The following HYDIN variants were observed in gnomAD, a reference collection of about 807,000 sequenced individuals.
HYDIN encodes axonemal central pair apparatus protein HYDIN.
In HYDIN, 132 loss-of-function variants were observed where a neutral mutation model predicts 403.9. The ratio of observed to expected loss-of-function variants is 0.33; its 90% confidence interval spans 0.28 to 0.38. The LOEUF (loss-of-function observed/expected upper bound fraction) is 0.38. Ranked by LOEUF, HYDIN falls within the 10% of genes least tolerant of loss-of-function variation. The probability of loss-of-function intolerance (pLI) is 1.00; values close to 1 mark genes in which losing one functional copy is unlikely to be tolerated. For missense variants in HYDIN, 2,827 were observed against 5,009.5 expected, an observed-to-expected ratio of 0.56 and a Z score of 13.15; for synonymous variants, 1,202 against 1,891.7, an observed-to-expected ratio of 0.64 and a Z score of 9.46.
intron 79 of HYDIN, 108 bp downstream of exon 79, chr16:70,833,779 G>A: frequency 1.4e-6 from 1 of 706,532 alleles, no homozygotes; most frequent in Non-Finnish European, 2.4e-6. Context: ...GATGTAGAAG[G>A]GAGAGGACAG....
At chr16:71,169,514 G>A (rs1305268181) in intron 5 of HYDIN, among the ~76,000 whole-genome samples, 1 of 152,190 alleles carries the variant, frequency 6.6e-6, no homozygotes, top group Non-Finnish European at 1.5e-5. Flanking sequence ...TCCATCATTT[G>A]TGACAACATG....
At chr16:71,046,404 T>C (rs1274176423) in intron 18 of HYDIN, among the ~76,000 whole-genome samples, 1 of 152,114 alleles carries the variant, frequency 6.6e-6, no homozygotes, top group Non-Finnish European at 1.5e-5. Flanking sequence ...AAGGCAACTG[T>C]GCATGGCACA....
intron 6 of HYDIN, among the ~76,000 whole-genome samples, chr16:71,153,528 G>A (rs997663164): frequency 1.3e-5 from 2 of 152,100 alleles, no homozygotes; most frequent in African/African-American, 4.8e-5. Flanking sequence ...AAGGGAGACA[G>A]CAGCCCAGGT....
chr16:71,226,219 G>A (rs1045218366), intron 1 of HYDIN, among the ~76,000 whole-genome samples: 1 of 152,162 alleles, frequency 6.6e-6, no homozygotes, highest in Admixed American at 6.5e-5. Flanking sequence ...TAGTTCATTT[G>A]AGAAACAAAA....
chr16:71,126,547 T>C (rs1005383510), intron 9 of HYDIN, among the ~76,000 whole-genome samples: 5 of 152,138 alleles, frequency 3.3e-5, no homozygotes, highest in Non-Finnish European at 5.9e-5. Context: ...ACTGGTAAGG[T>C]CCACGTGGTC....
rs113691390 is a variant in HYDIN, at chr16:71,063,299, C to T, written c.2212-966G>A. Among the ~76,000 whole-genome samples, 104 of 152,374 alleles carry T rather than the reference C, an allele frequency of 6.8e-4. 2 individuals carry two copies. Among genetic ancestry groups the T allele is most frequent in the African/African-American group, 2.3e-3 (97 of 41,592 alleles). On this transcript the variant is annotated intron_variant, in intron 16 of 85. Coordinates refer to ENST00000393567, the MANE Select transcript of HYDIN (RefSeq NM_001270974.2). Reference sequence around the variant, plus strand: ...TAACATGGCCCAGTCTAACTCCTCCCTGTGCCGCAGTGCTCCGCCGAGCCT... The same window carrying T: ...TAACATGGCCCAGTCTAACTCCTCCTTGTGCCGCAGTGCTCCGCCGAGCCT...
chr16:70,920,828 C>T lies in HYDIN; in HGVS notation c.7548G>A (p.Leu2516=). 3.2e-6 allele frequency: 5 copies of T among 1,573,556 alleles called. No homozygotes were observed. The highest frequency in any genetic ancestry group is 1.1e-5 in the South Asian group (1 of 87,338). Residue 2516 remains leucine (L), a synonymous_variant, in exon 46 of 86, where the codon CTG becomes CTA. Coordinates refer to ENST00000393567, the MANE Select transcript of HYDIN (RefSeq NM_001270974.2). The part of the protein sequence containing the change: ...RGRKDRERER[L]EKERTEKERL... ...GCTCCTTCTCCGTGCGCTCCTTCTC[C>T]AGGCGCTCTCTCTCCCGGTCCTTGC...
intron 1 of HYDIN, among the ~76,000 whole-genome samples, chr16:71,215,405 T>C (rs1226469336): frequency 6.6e-6 from 1 of 152,154 alleles, no homozygotes; most frequent in African/African-American, 2.4e-5. Context: ...TGAATGAATG[T>C]ACAAGAAATA....
chr16:70,964,864 G>A lies in HYDIN; in HGVS notation c.5652C>T (p.Tyr1884=). ...TGCGGGGAGGCAGCAGCAGGGTGTT[G>A]TAGGAATCATAGCCCTTCAGCTTCC... is the stretch of plus-strand genomic sequence containing the variant. ...ILRKLKGYDS[Y]NTLLLPPRNP... is the part of the protein sequence containing the mutation. Residue 1884 remains tyrosine, a synonymous_variant, in exon 37 of 86, where the codon TAC becomes TAT. Coordinates refer to ENST00000393567, the MANE Select transcript of HYDIN (RefSeq NM_001270974.2). The A allele has an allele frequency of 1.2e-6, 2 of 1,613,596 alleles. No homozygotes were observed. Among genetic ancestry groups the A allele is most frequent in the Non-Finnish European group, 8.5e-7 (1 of 1,179,718 alleles).
intron 1 of HYDIN, chr16:71,203,914 G>C (rs1345466079): frequency 2.3e-6 from 1 of 429,198 alleles, no homozygotes; most frequent in Non-Finnish European, 4.6e-6. Context: ...AAAATACCAA[G>C]ATTAGCTGTG....
chr16:71,223,156 CA>C (rs1189464000), intron 1 of HYDIN, among the ~76,000 whole-genome samples: 1 of 152,006 alleles, frequency 6.6e-6, no homozygotes, highest in Non-Finnish European at 1.5e-5. Flanking sequence ...ACAGAGTACC[CA>C]AAAATAAAGC....
chr16:70,967,429 C>T (rs1347162284), intron 36 of HYDIN, among the ~76,000 whole-genome samples: 4 of 151,672 alleles, frequency 2.6e-5, no homozygotes, highest in Non-Finnish European at 5.9e-5. Flanking sequence ...CCCACCTCAG[C>T]CCCTCGAGTA....
chr16:71,045,418 T>C (rs113154470), intron 18 of HYDIN, among the ~76,000 whole-genome samples: 1,578 of 152,304 alleles, frequency 0.01, 22 homozygotes, highest in African/African-American at 0.036. Flanking sequence ...GATTTCTCTA[T>C]TTGTTGAAAA....
chr16:70,811,814 G>A lies in HYDIN; in HGVS notation c.14659-1807C>T, dbSNP rs1489244838. On this transcript the variant is annotated intron_variant, in intron 84 of 85. Coordinates refer to ENST00000393567, the MANE Select transcript of HYDIN (RefSeq NM_001270974.2). ...AGAGGTTGTGGTGAGCCGAGATCAC[G>A]CCATTGCACTCCAGCCTGGGCCACA... Among the ~76,000 whole-genome samples, 175 of 149,050 alleles carry A rather than the reference G, an allele frequency of 1.2e-3. 1 individual carries two copies. The highest frequency in any genetic ancestry group is 4.1e-3 in the African/African-American group (166 of 40,354).
chr16:70,806,783 A>G lies in HYDIN; in HGVS notation c.*797T>C, dbSNP rs2035125917. ...ACCATCTGCTATACAAGTTAAATGT[A>G]TATAATAAAGATGCCCACACCCCTC... On this transcript the variant is annotated 3_prime_UTR_variant, in exon 86 of 86. Coordinates refer to ENST00000393567, the MANE Select transcript of HYDIN (RefSeq NM_001270974.2). Among the ~76,000 whole-genome samples the G allele has an allele frequency of 1.3e-5, 2 of 152,310 alleles. No individual in the cohort carries two copies. Among genetic ancestry groups the G allele is most frequent in the Admixed American group, 1.3e-4 (2 of 15,304 alleles).
chr16:70,900,765 C>A (rs2076348824), intron 53 of HYDIN, among the ~76,000 whole-genome samples: 1 of 150,338 alleles, frequency 6.7e-6, no homozygotes, highest in African/African-American at 2.5e-5. Flanking sequence ...TTGTTCCTTC[C>A]TTCCACATTG....
intron 78 of HYDIN, among the ~76,000 whole-genome samples, chr16:70,834,655 C>T (rs922831638): frequency 2.6e-5 from 4 of 152,090 alleles, no homozygotes; most frequent in African/African-American, 7.2e-5. Flanking sequence ...TGACAACAGC[C>T]TGGCCAACAT....
Position 71,184,734 on chromosome 16 carries a change from C to A in HYDIN, c.261+131G>T. On this transcript the variant is annotated intron_variant, in intron 3 of 85. Transcript: ENST00000393567. ...TCACAGATATGAAGACATTCAGAGGCAGAAAAGGAGGATTGAAAACAAACC... is the reference window on the plus strand; with the variant it reads ...TCACAGATATGAAGACATTCAGAGGAAGAAAAGGAGGATTGAAAACAAACC... The A allele has an allele frequency of 5.7e-6, 4 of 707,180 alleles. 1 individual carries two copies. Among genetic ancestry groups the A allele is most frequent in the Non-Finnish European group, 2.3e-6 (1 of 434,828 alleles). The allele number at this position is 707,180 out of a possible 1,614,324, so 43.8% of individuals were successfully genotyped here. A position where few individuals can be genotyped will look rare whatever the true frequency, so the allele number is the denominator to read the frequency against.
intron 78 of HYDIN, among the ~76,000 whole-genome samples, chr16:70,834,827 G>C (rs546587533): frequency 6.6e-6 from 1 of 150,706 alleles, no homozygotes; most frequent in Non-Finnish European, 1.5e-5. Context: ...CAGCCTGGTC[G>C]ACAGAGTGAG....
Sources: allele counts gnomAD v4.1 joint callset (sites outside exome capture counted in the v4.1 genomes callset), GRCh38; gene constraint gnomAD v4.1.1; transcripts MANE v1.5; gene names NCBI Gene and HGNC (gene_info 2026-07-23, HGNC 2026-07-21).